The following DST variants were observed in gnomAD, a reference collection of about 807,000 sequenced individuals.
DST encodes the protein dystonin, also known as bullous pemphigoid antigen.
Under a neutral mutation model 875.2 loss-of-function variants are expected in DST, and 253 were observed. The observed-to-expected ratio is 0.29, with a 90% CI of 0.26 to 0.32. DST has a LOEUF of 0.32. Among genes scored for constraint, DST ranks in the 10% least tolerant of loss-of-function variants. The pLI, the probability that DST is intolerant of heterozygous loss-of-function variation, is 1.00. For synonymous variants in DST, 3,124 were observed against 3,197.1 expected (o/e 0.98, Z 0.77); for missense variants, 8,287 against 9,111.6 (o/e 0.91, Z 3.68).
At chr6:56,711,626 T>C (rs1589033799) in intron 5 of DST, among the ~76,000 whole-genome samples, 2 of 152,190 alleles carry the variant, frequency 1.3e-5, no homozygotes, top group Non-Finnish European at 2.9e-5. Flanking sequence ...AGTATATCTT[T>C]TTTGGTATCT....
At chr6:56,636,362 G>GTA (rs1474662367) in intron 23 of DST, among the ~76,000 whole-genome samples, 195 bp downstream of exon 23, 7 of 149,384 alleles carry the variant, frequency 4.7e-5, no homozygotes, top group African/African-American at 1.7e-4. Flanking sequence ...ATATATGTGT[G>GTA]TGTATATATA....
rs186716324 is a variant in DST at position 56,571,087 on chromosome 6, C to A, written c.13721+1013G>T. On this transcript the variant is annotated intron_variant, in intron 53 of 103. Transcript: ENST00000680361. The stretch of plus-strand genomic sequence containing the variant: ...CCCCTACAGAGACTCAGGAAACTCC[C>A]TGGTGAACTGTATGGGTCGTTCTGT... Among the ~76,000 whole-genome samples, 106 of 152,288 alleles carry A rather than the reference C, an allele frequency of 7.0e-4. 1 individual carries two copies. Among genetic ancestry groups the A allele is most frequent in the Middle Eastern group, 6.8e-3 (2 of 294 alleles).
At chr6:56,867,181 C>A (rs1170005818) in intron 3 of DST, among the ~76,000 whole-genome samples, 1 of 152,176 alleles carries the variant, frequency 6.6e-6, no homozygotes, top group Non-Finnish European at 1.5e-5. Flanking sequence ...AGCTTCACTA[C>A]TTATTAGCTA....
At chr6:56,876,382 T>C (rs953807568) in intron 3 of DST, among the ~76,000 whole-genome samples, 3 of 152,198 alleles carry the variant, frequency 2.0e-5, no homozygotes, top group Admixed American at 2.0e-4. Context: ...CACCTGGTAC[T>C]GAACCAACTC....
intron 4 of DST, among the ~76,000 whole-genome samples, chr6:56,809,089 A>G (rs2099756743): frequency 6.6e-6 from 1 of 152,068 alleles, no homozygotes; most frequent in Admixed American, 6.6e-5. Flanking sequence ...ACTCTACACT[A>G]TTGACTCACT....
chr6:56,792,814 C>T (rs1043955647), intron 4 of DST, among the ~76,000 whole-genome samples: 2 of 152,078 alleles, frequency 1.3e-5, no homozygotes, highest in African/African-American at 2.4e-5. Context: ...ACGCCTCTAG[C>T]CCCATCACTT....
At chr6:56,945,047 T>C (rs1818734633) in intron 2 of DST, among the ~76,000 whole-genome samples, 1 of 152,192 alleles carries the variant, frequency 6.6e-6, no homozygotes, top group Non-Finnish European at 1.5e-5. Flanking sequence ...GAAAATGACA[T>C]GGTAGAACTG....
chr6:56,822,062 TA>T (rs1457075287), intron 4 of DST, among the ~76,000 whole-genome samples: 2 of 152,242 alleles, frequency 1.3e-5, no homozygotes, highest in African/African-American at 4.8e-5. Flanking sequence ...TATCTAATTC[TA>T]AAGAAAATTC....
At chr6:56,629,556 A>G (rs551219303) in intron 31 of DST, 113 bp from the exon 32 acceptor site, 53 of 823,624 alleles carry the variant, frequency 6.4e-5, no homozygotes, top group Non-Finnish European at 9.8e-5. Flanking sequence ...AAATAAGATA[A>G]AGGAAAGAAT....
rs1452885592 is a variant in DST, at chr6:56,603,984, T to C, written c.10644A>G (p.Lys3548=). 1 of 1,608,796 alleles carries C rather than the reference T, an allele frequency of 6.2e-7. No individual in the cohort carries two copies. The highest frequency in any genetic ancestry group is 8.5e-7 in the Non-Finnish European group (1 of 1,177,164). ...CAGTAGAGCTTTCTAGTCCAATTTCTTTTACAGTTTCTAAATTAGGAGAAT... is the reference window on the plus strand; with the variant it reads ...CAGTAGAGCTTTCTAGTCCAATTTCCTTTACAGTTTCTAAATTAGGAGAAT... The part of the protein sequence containing the change: ...NYYSPNLETV[K]EIGLESSTVW... Residue 3548 remains lysine (K), a synonymous_variant, in exon 40 of 104, where the codon AAA becomes AAG. Coordinates refer to ENST00000680361, the MANE Select transcript of DST (RefSeq NM_001374736.1).
At chr6:56,812,461 C>T (rs555006824) in intron 4 of DST, among the ~76,000 whole-genome samples, 1 of 152,278 alleles carries the variant, frequency 6.6e-6, no homozygotes, top group South Asian at 2.1e-4. Context: ...GAAACATAAA[C>T]TGTATTCTAT....
chr6:56,572,339 G>A (rs2097791456), intron 52 of DST, 73 bp from the exon 53 acceptor site: 1 of 1,061,796 alleles, frequency 9.4e-7, no homozygotes, highest in Non-Finnish European at 1.3e-6. Flanking sequence ...CCAGAGGTCT[G>A]TGCGGGATCA....
intron 74 of DST, 110 bp from the exon 75 acceptor site, chr6:56,508,865 A>T (rs1281710984): frequency 1.2e-6 from 1 of 849,706 alleles, no homozygotes; most frequent in Non-Finnish European, 1.8e-6. Flanking sequence ...TAAGTATCTA[A>T]AACTGGACCA....
intron 4 of DST, among the ~76,000 whole-genome samples, chr6:56,828,478 T>C (rs1031706654): frequency 2.0e-5 from 3 of 152,202 alleles, no homozygotes; most frequent in Non-Finnish European, 4.4e-5. Flanking sequence ...AACACTGATA[T>C]CACTACTTCT....
intron 4 of DST, among the ~76,000 whole-genome samples, chr6:56,787,880 T>C (rs1275010639): frequency 6.6e-6 from 1 of 152,056 alleles, no homozygotes; most frequent in Non-Finnish European, 1.5e-5. Context: ...GGCTCACACC[T>C]GTAATCCCAG....
intron 3 of DST, among the ~76,000 whole-genome samples, chr6:56,878,284 T>G (rs1780424218): frequency 6.6e-6 from 1 of 152,132 alleles, no homozygotes; most frequent in African/African-American, 2.4e-5. Context: ...GGGAGAGGGC[T>G]TCAAGGAGAC....
intron 102 of DST, 172 bp from the exon 103 acceptor site, chr6:56,460,426 T>C (rs1017121031): frequency 7.8e-5 from 41 of 524,488 alleles, no homozygotes; most frequent in Non-Finnish European, 1.2e-4. Flanking sequence ...TGATTTTCTC[T>C]TCTAATTTCT....
chr6:56,689,721 G>A (rs1246619624), intron 9 of DST, among the ~76,000 whole-genome samples: 2 of 152,122 alleles, frequency 1.3e-5, no homozygotes. Flanking sequence ...AACTGTAGGT[G>A]ACATCCAGGC....
At position 56,682,289 on chromosome 6, in the gene DST, C is replaced by T. The variant is rs539477021; in HGVS notation, c.1048-11482G>A. ...CCAGGCTCAAGCAATCCTCCCACCTCGGCCTCCCAGAATGCTGGGATTACA... is the reference window on the plus strand; with the variant it reads ...CCAGGCTCAAGCAATCCTCCCACCTTGGCCTCCCAGAATGCTGGGATTACA... On this transcript the variant is annotated intron_variant, in intron 9 of 103. Transcript: ENST00000680361. Among the ~76,000 whole-genome samples the T allele has an allele frequency of 2.6e-4, 39 of 152,264 alleles. No homozygotes were observed. In the East Asian group the frequency reaches 6.6e-3, roughly 26 times the overall value.
Sources: gnomAD v4.1 joint callset for allele counts (sites outside exome capture counted in the v4.1 genomes callset) on GRCh38, gnomAD v4.1.1 for gene constraint, MANE v1.5 for transcripts, NCBI Gene and HGNC (gene_info 2026-07-23, HGNC 2026-07-21) for gene names.